Variants in LONRF3 observed in about 807,000 individuals in gnomAD.
The protein encoded by LONRF3 is LON peptidase N-terminal domain and RING finger protein 3.
A neutral mutation model predicts 51.7 loss-of-function variants in LONRF3; 19 were observed. That is an observed-to-expected ratio of 0.37 (90% CI 0.26 to 0.54). The LOEUF is 0.54. LONRF3 is among the 20% of genes least tolerant of loss of function. The probability of loss-of-function intolerance (pLI) is 0.86; values close to 1 mark genes in which losing one functional copy is unlikely to be tolerated. For missense variants in LONRF3, 521 were observed against 623.9 expected, an observed-to-expected ratio of 0.84 and a Z score of 1.76; for synonymous variants, 265 against 257.8, an observed-to-expected ratio of 1.03 and a Z score of -0.27.
intron 5 of LONRF3, among the ~76,000 whole-genome samples, chrX:119,000,805 CT>C: frequency 1.4e-5 from 1 of 70,535 alleles, no homozygotes; most frequent in Non-Finnish European, 2.7e-5. Flanking sequence ...CTCTCTCTCT[CT>C]CTCTCTCTCT....
intron 10 of LONRF3, among the ~76,000 whole-genome samples, chrX:119,016,296 C>T (rs1925442873): frequency 9.1e-6 from 1 of 110,041 alleles, no homozygotes; most frequent in East Asian, 2.8e-4. Context: ...AATGGGAAAG[C>T]TCTTTATTAA....
At chrX:119,012,809 A>G (rs1925198535) in intron 8 of LONRF3, 3 of 891,206 alleles carry the variant, frequency 3.4e-6, no homozygotes, top group East Asian at 7.0e-5. Flanking sequence ...GCACTGGCAC[A>G]GCACATAGTA....
intron 6 of LONRF3, among the ~76,000 whole-genome samples, chrX:119,008,374 A>T (rs1446750072): frequency 9.0e-6 from 1 of 111,688 alleles, no homozygotes; most frequent in African/African-American, 3.3e-5. Context: ...TTTTAACATC[A>T]GTTGTTTGAT....
chrX:119,013,366 A>G (rs1292681307), intron 9 of LONRF3, among the ~76,000 whole-genome samples, 165 bp downstream of exon 9: 1 of 112,192 alleles, frequency 8.9e-6, no homozygotes, highest in Non-Finnish European at 1.9e-5. Context: ...CAGTTGCACT[A>G]TGGCAGTGAG....
chrX:119,005,472 G>A (rs915439816), intron 5 of LONRF3, among the ~76,000 whole-genome samples: 3 of 111,863 alleles, frequency 2.7e-5, no homozygotes, highest in African/African-American at 9.8e-5. Flanking sequence ...GTATATATGT[G>A]TGTATATGCA....
chrX:119,009,593 A>T (rs1924965317), intron 7 of LONRF3, among the ~76,000 whole-genome samples: 2 of 111,765 alleles, frequency 1.8e-5, no homozygotes, highest in East Asian at 2.8e-4. Context: ...TTGTTTTCAG[A>T]TACATAAGGA....
chrX:119,009,157 T>G lies in LONRF3; in HGVS notation c.1562T>G (p.Val521Gly). 1 of 1,210,168 alleles carries G rather than the reference T, an allele frequency of 8.3e-7. No individual in the cohort carries two copies. The highest frequency in any genetic ancestry group is 3.0e-5 in the East Asian group (1 of 33,797). The stretch of plus-strand genomic sequence containing the variant: ...GCATCAAGAAAATACAGCAAAAATG[T>G]AATAATGGAGGAGCTCATAGCTAAA... ...CLASRKYSKN[V>G]IMEELIAKFL... The change falls in exon 7 of 11, where the codon GTA becomes GGA. Residue 521 changes from valine to glycine, a missense_variant. This residue lies in a region of LONRF3 where 145 missense variants were observed against 247.2 expected (regional missense o/e 0.59). Coordinates refer to ENST00000371628, the MANE Select transcript of LONRF3 (RefSeq NM_001031855.3).
At chrX:118,985,161 G>A (rs1353145543) in intron 3 of LONRF3, among the ~76,000 whole-genome samples, 1 of 112,223 alleles carries the variant, frequency 8.9e-6, no homozygotes, top group Non-Finnish European at 1.9e-5. Context: ...TTTCTGCTTT[G>A]TTTCCTTTGA....
chrX:118,978,057 G>A (rs1487445170), intron 1 of LONRF3, among the ~76,000 whole-genome samples: 1 of 111,102 alleles, frequency 9.0e-6, no homozygotes, highest in East Asian at 2.8e-4. Context: ...GCCACATCTC[G>A]CCTATGTCAA....
intron 6 of LONRF3, among the ~76,000 whole-genome samples, chrX:119,007,294 G>C (rs921886571): frequency 1.8e-5 from 2 of 111,605 alleles, no homozygotes; most frequent in African/African-American, 6.5e-5. Context: ...GTGGCTTGAA[G>C]ATAACAGCTC....
At chrX:118,997,017 A>T (rs751401311) in intron 5 of LONRF3, among the ~76,000 whole-genome samples, 3 of 110,859 alleles carry the variant, frequency 2.7e-5, no homozygotes, top group African/African-American at 9.8e-5. Context: ...TCCCATGCTC[A>T]TGGATGGGTA....
At chrX:118,991,242 C>A (rs1603250147) in intron 5 of LONRF3, among the ~76,000 whole-genome samples, 1 of 111,708 alleles carries the variant, frequency 9.0e-6, no homozygotes, top group East Asian at 2.8e-4. Context: ...TTTGACCACG[C>A]CCCCGCCACC....
chrX:118,975,125 C>G lies in LONRF3; in HGVS notation c.345C>G (p.Val115=), dbSNP rs752405001. ...TGGTGCGCTGCCTGGCGGAGAAAGT[C>G]CCGCAAGGCGAGGCGCTGGCGCCGG... ...EQLVRCLAEK[V]PQGEALAPAP... is the part of the protein sequence containing the mutation. Residue 115 remains valine (V), a synonymous_variant, in exon 1 of 11, where the codon GTC becomes GTG. Coordinates refer to ENST00000371628, the MANE Select transcript of LONRF3 (RefSeq NM_001031855.3). 20 of 1,169,573 alleles carry G rather than the reference C, an allele frequency of 1.7e-5. No homozygotes were observed. Among genetic ancestry groups the G allele is most frequent in the South Asian group, 1.5e-4 (8 of 53,001 alleles).
At chrX:118,978,100 T>A (rs1477977131) in intron 1 of LONRF3, among the ~76,000 whole-genome samples, 1 of 111,468 alleles carries the variant, frequency 9.0e-6, no homozygotes, top group Non-Finnish European at 1.9e-5. Flanking sequence ...CCACGGGGCC[T>A]CTAATGAACC....
Position 118,975,440 on chromosome X carries a change from G to T in LONRF3, c.660G>T (p.Pro220=). The part of the protein sequence containing the change: ...RGARRAGQQP[P]PPLRVNVVLS... ...CCCGGCGGGCTGGGCAGCAGCCGCC[G>T]CCGCCGCTGCGAGTCAACGTGGTGC... Residue 220 remains proline (P), a synonymous_variant, in exon 1 of 11, where the codon CCG becomes CCT. Transcript: ENST00000371628. 1.7e-6 allele frequency: 2 copies of T among 1,186,263 alleles called. No homozygotes were observed. The highest frequency in any genetic ancestry group is 2.3e-6 in the Non-Finnish European group (2 of 883,303).
chrX:118,974,710 C>A lies in LONRF3; in HGVS notation c.-71C>A. 1.0e-6 allele frequency: 1 copy of A among 967,406 alleles called. No individual in the cohort carries two copies. Among genetic ancestry groups the A allele is most frequent in the Non-Finnish European group, 1.4e-6 (1 of 717,876 alleles). The allele number at this position is 967,406 out of a possible 1,213,427, so 79.7% of individuals were successfully genotyped here. A position where few individuals can be genotyped will look rare whatever the true frequency, so the allele number is the denominator to read the frequency against. On this transcript the variant is annotated 5_prime_UTR_variant, in exon 1 of 11. Transcript: ENST00000371628. ...TGGCGGCGGTGGCTGCCCCGATTTC[C>A]TCCAGCTGCCACTCCTTGCTTCGTG...
At chrX:119,014,401 A>G (rs1453191935) in intron 10 of LONRF3, 45 bp downstream of exon 10, 2 of 1,121,344 alleles carry the variant, frequency 1.8e-6, no homozygotes, top group Admixed American at 2.3e-5. Flanking sequence ...CCACTAGAAG[A>G]GAGTGCCTAG....
chrX:119,004,551 A>T (rs1002385324), intron 5 of LONRF3, among the ~76,000 whole-genome samples: 5 of 112,269 alleles, frequency 4.5e-5, no homozygotes, highest in African/African-American at 1.6e-4. Flanking sequence ...TGGGAGGCTT[A>T]AAAAAAATTT....
chrX:118,991,616 T>G (rs1923434062), intron 5 of LONRF3, among the ~76,000 whole-genome samples: 2 of 112,153 alleles, frequency 1.8e-5, no homozygotes, highest in African/African-American at 6.5e-5. Flanking sequence ...ACACAATTTT[T>G]TAAAATTGCT....
Sources: gnomAD v4.1 joint callset for allele counts (sites outside exome capture counted in the v4.1 genomes callset) on GRCh38, gnomAD v4.1.1 for gene constraint, gnomAD v4.1.1 regional missense constraint, MANE v1.5 for transcripts, NCBI Gene and HGNC (gene_info 2026-07-23, HGNC 2026-07-21) for gene names.